Variants in GSE1 observed in about 807,000 individuals in gnomAD.
The protein encoded by GSE1 is genetic suppressor element 1.
In GSE1, 32 loss-of-function variants were observed where a neutral mutation model predicts 112.6. The observed-to-expected ratio is 0.28, with a 90% CI of 0.21 to 0.38. The LOEUF (loss-of-function observed/expected upper bound fraction) is 0.38. Among genes scored for constraint, GSE1 ranks in the 10% least tolerant of loss-of-function variants. GSE1 has a pLI of 1.00. For missense variants in GSE1, 2,348 were observed against 1,699.2 expected (o/e 1.38, Z -6.71); for synonymous variants, 1,115 against 735.6 (o/e 1.52, Z -8.35).
chr16:85,502,256 A>G (rs1168245464), intron 2 of GSE1, among the ~76,000 whole-genome samples: 3 of 152,102 alleles, frequency 2.0e-5, no homozygotes, highest in Non-Finnish European at 2.9e-5. Flanking sequence ...TGTAGGACCT[A>G]GGTGCGCACA....
intron 1 of GSE1, among the ~76,000 whole-genome samples, chr16:85,271,247 C>T (rs769880021): frequency 3.3e-5 from 5 of 152,132 alleles, no homozygotes; most frequent in Non-Finnish European, 5.9e-5. Flanking sequence ...GGATCGAGTT[C>T]CAGTTGCCCA....
intron 1 of GSE1, among the ~76,000 whole-genome samples, chr16:85,618,095 G>A (rs2048493842): frequency 6.6e-6 from 1 of 152,138 alleles, no homozygotes; most frequent in Non-Finnish European, 1.5e-5. Context: ...GTGTTCACCT[G>A]CATCTCTAGC....
At chr16:85,276,541 G>A (rs1909380057) in intron 1 of GSE1, among the ~76,000 whole-genome samples, 1 of 152,252 alleles carries the variant, frequency 6.6e-6, no homozygotes, top group Non-Finnish European at 1.5e-5. Flanking sequence ...CCAAGGCAGG[G>A]CCTCAGGGAG....
At chr16:85,255,412 CTT>C (rs869059709) in intron 1 of GSE1, among the ~76,000 whole-genome samples, 8,475 of 140,988 alleles carry the variant, frequency 0.06, 781 homozygotes, top group African/African-American at 0.21. Flanking sequence ...TCAGTGCCTA[CTT>C]TTTTTTTTTT....
At chr16:85,229,195 G>C (rs1181545641) in intron 1 of GSE1, among the ~76,000 whole-genome samples, 1 of 152,224 alleles carries the variant, frequency 6.6e-6, no homozygotes, top group Non-Finnish European at 1.5e-5. Flanking sequence ...ATCTGGCGCG[G>C]CACCAGCGGC....
intron 1 of GSE1, among the ~76,000 whole-genome samples, chr16:85,179,414 C>T (rs187682327): frequency 6.6e-6 from 1 of 152,268 alleles, no homozygotes; most frequent in Admixed American, 6.5e-5. Flanking sequence ...CCGTGGACAT[C>T]GGCTTGTTTC....
At chr16:85,600,512 A>G (rs2047414240) in intron 1 of GSE1, among the ~76,000 whole-genome samples, 1 of 152,064 alleles carries the variant, frequency 6.6e-6, no homozygotes, top group South Asian at 2.1e-4. Flanking sequence ...GCTGTGGCTA[A>G]GAAGGCTGTG....
At chr16:85,286,700 T>G (rs1308516818) in intron 1 of GSE1, among the ~76,000 whole-genome samples, 1 of 151,380 alleles carries the variant, frequency 6.6e-6, no homozygotes, top group Non-Finnish European at 1.5e-5. Flanking sequence ...CAGACTGGGT[T>G]GGGATTTTTT....
chr16:85,206,398 A>G (rs940891393), intron 1 of GSE1, among the ~76,000 whole-genome samples: 5 of 152,152 alleles, frequency 3.3e-5, no homozygotes, highest in African/African-American at 1.2e-4. Flanking sequence ...AGCAAGGAGA[A>G]CTGGAATGAA....
chr16:85,425,593 G>A (rs1364994202), intron 2 of GSE1, among the ~76,000 whole-genome samples: 8 of 152,302 alleles, frequency 5.3e-5, no homozygotes, highest in Middle Eastern at 6.8e-3. Flanking sequence ...CAGGGAAGAG[G>A]CGCAGTAAAG....
At chr16:85,382,695 G>A (rs2151624317) in intron 2 of GSE1, among the ~76,000 whole-genome samples, 1 of 152,194 alleles carries the variant, frequency 6.6e-6, no homozygotes, top group Admixed American at 6.5e-5. Context: ...AGGCCATCAA[G>A]AGCATGGCAC....
chr16:85,382,923 CACACGCGCACACA>C (rs1413503470), intron 2 of GSE1, among the ~76,000 whole-genome samples: 2 of 151,700 alleles, frequency 1.3e-5, no homozygotes, highest in Non-Finnish European at 2.9e-5. Context: ...CATACATGCA[CACACGCGCACACA>C]ACACGTACAC....
rs2045828766 is a variant in GSE1, at chr16:85,311,043, A to G, written c.2284-46420A>G. On this transcript the variant is annotated intron_variant, in intron 1 of 2. Transcript: ENST00000637419. This position sits in a 1 kb window ranked among gnomAD's most constrained non-coding sequence, Gnocchi z 4.2. ...AGCCGCCTTTCCGCGGCCGTCAGCA[A>G]TGGCCATGGCTCTGTCAAGAAGGAT... Among the ~76,000 whole-genome samples the G allele has an allele frequency of 6.6e-6, 1 of 152,188 alleles. No individual in the cohort carries two copies. The highest frequency in any genetic ancestry group is 2.4e-5 in the African/African-American group (1 of 41,458).
intron 2 of GSE1, among the ~76,000 whole-genome samples, chr16:85,547,055 T>G (rs114212358): frequency 1.3e-5 from 2 of 152,270 alleles, no homozygotes; most frequent in Admixed American, 1.3e-4. Context: ...GCGGGCAGCC[T>G]CACCACACCC....
intron 1 of GSE1, among the ~76,000 whole-genome samples, chr16:85,625,466 T>C (rs2049008562): frequency 6.6e-6 from 1 of 152,200 alleles, no homozygotes; most frequent in African/African-American, 2.4e-5. Flanking sequence ...AACTGTAGTG[T>C]GGCGTCCAAC....
chr16:85,361,086 AAC>A (rs1184126685), intron 2 of GSE1, among the ~76,000 whole-genome samples: 1 of 151,136 alleles, frequency 6.6e-6, no homozygotes, highest in African/African-American at 2.4e-5. Context: ...TACCCCCACA[AAC>A]ACACAGACAC....
At chr16:85,565,853 G>C (rs905538473) in intron 1 of GSE1, among the ~76,000 whole-genome samples, 2 of 152,216 alleles carry the variant, frequency 1.3e-5, no homozygotes, top group East Asian at 1.9e-4. Flanking sequence ...GTTGGGTCCC[G>C]ATGGCGAGGG....
At chr16:85,205,658 C>T (rs2075102072) in intron 1 of GSE1, among the ~76,000 whole-genome samples, 1 of 152,172 alleles carries the variant, frequency 6.6e-6, no homozygotes, top group South Asian at 2.1e-4. Flanking sequence ...TGTGGAGGCC[C>T]CTGCCCATCT....
intron 8 of GSE1, chr16:85,659,581 G>C (rs1194997778): frequency 6.6e-6 from 1 of 152,224 alleles, no homozygotes; most frequent in African/African-American, 2.4e-5. Flanking sequence ...GTCGGAAATG[G>C]AGCATGTCAA....
Sources: allele counts gnomAD v4.1 joint callset (sites outside exome capture counted in the v4.1 genomes callset), GRCh38; gene constraint gnomAD v4.1.1; non-coding constraint Gnocchi (gnomAD v3.1); transcripts MANE v1.5; gene names NCBI Gene and HGNC (gene_info 2026-07-23, HGNC 2026-07-21).